ITFG1: variants seen among roughly 807,000 people sequenced by gnomAD.
ITFG1 encodes the protein integrin alpha FG-GAP repeat containing 1, also known as T-cell immunomodulatory protein.
ITFG1 carries 34 observed loss-of-function variants against 81.8 expected under a neutral mutation model. The ratio of observed to expected loss-of-function variants is 0.42; its 90% confidence interval spans 0.32 to 0.55. The LOEUF (loss-of-function observed/expected upper bound fraction) is 0.55, where lower values mean the gene tolerates loss of function less well. ITFG1 is among the 20% of genes least tolerant of loss of function. The probability of loss-of-function intolerance (pLI) is 0.17; values close to 1 mark genes in which losing one functional copy is unlikely to be tolerated. For missense variants in ITFG1, 672 were observed against 755.4 expected (o/e 0.89, Z 1.29); for synonymous variants, 285 against 270.6 (o/e 1.05, Z -0.52).
intron 10 of ITFG1, among the ~76,000 whole-genome samples, chr16:47,301,463 T>A (rs1475989145): frequency 2.0e-5 from 3 of 151,710 alleles, no homozygotes; most frequent in Admixed American, 6.6e-5. Flanking sequence ...AATGGCACGA[T>A]TCAGCTCACT....
At chr16:47,212,263 G>C (rs962248645) in intron 14 of ITFG1, among the ~76,000 whole-genome samples, 1 of 152,044 alleles carries the variant, frequency 6.6e-6, no homozygotes, top group East Asian at 1.9e-4. Context: ...ACCCAGGTTA[G>C]AGTGCAGTGG....
At chr16:47,349,848 A>G (rs1230625973) in intron 8 of ITFG1, among the ~76,000 whole-genome samples, 2 of 152,242 alleles carry the variant, frequency 1.3e-5, no homozygotes, top group Non-Finnish European at 2.9e-5. Context: ...AACAGAAATT[A>G]TAACAAACTG....
At chr16:47,330,979 C>G (rs1156252171) in intron 8 of ITFG1, among the ~76,000 whole-genome samples, 2 of 152,142 alleles carry the variant, frequency 1.3e-5, no homozygotes, top group African/African-American at 2.4e-5. Context: ...TGTGTATACA[C>G]TCAAAGGAAA....
chr16:47,391,841 T>C (rs1462609808), intron 6 of ITFG1, among the ~76,000 whole-genome samples: 1 of 152,208 alleles, frequency 6.6e-6, no homozygotes, highest in African/African-American at 2.4e-5. Context: ...ATTAATATCC[T>C]AGGAATTATT....
chr16:47,174,314 A>G (rs1218515854), intron 14 of ITFG1, among the ~76,000 whole-genome samples: 1 of 152,170 alleles, frequency 6.6e-6, no homozygotes, highest in Non-Finnish European at 1.5e-5. Flanking sequence ...TAGCGCTAGA[A>G]TACTCTAGCT....
chr16:47,263,074 T>G, intron 10 of ITFG1: 1 of 234,852 alleles, frequency 4.3e-6, no homozygotes, highest in Non-Finnish European at 8.8e-6. Context: ...GTCAAATGTA[T>G]GAGCTTTGAA....
chr16:47,434,095 C>T (rs1462362064), intron 5 of ITFG1, among the ~76,000 whole-genome samples: 1 of 151,098 alleles, frequency 6.6e-6, no homozygotes, highest in African/African-American at 2.4e-5. Context: ...AAAACCTAAA[C>T]TATAAAAATC....
chr16:47,361,555 A>G (rs1968109474), intron 8 of ITFG1, among the ~76,000 whole-genome samples: 1 of 152,172 alleles, frequency 6.6e-6, no homozygotes, highest in Admixed American at 6.5e-5. Context: ...CTTCTAGAAG[A>G]TACACCTTCC....
intron 10 of ITFG1, among the ~76,000 whole-genome samples, chr16:47,289,924 A>G (rs1596864073): frequency 6.6e-6 from 1 of 151,904 alleles, no homozygotes; most frequent in Non-Finnish European, 1.5e-5. Context: ...TTTGACATGC[A>G]TTGTTAGGTG....
chr16:47,262,376 A>T (rs1484064298), intron 10 of ITFG1, among the ~76,000 whole-genome samples: 1 of 152,138 alleles, frequency 6.6e-6, no homozygotes, highest in African/African-American at 2.4e-5. Flanking sequence ...ATTTATAAAA[A>T]TTTTTCCTGG....
intron 14 of ITFG1, among the ~76,000 whole-genome samples, chr16:47,199,254 G>A (rs192006341): frequency 8.6e-6 from 1 of 116,648 alleles, no homozygotes; most frequent in African/African-American, 3.4e-5. Context: ...GCAACAAAGC[G>A]AGACTCCAAA....
chr16:47,369,781 C>T (rs1007440966), intron 7 of ITFG1, among the ~76,000 whole-genome samples: 3 of 149,304 alleles, frequency 2.0e-5, no homozygotes, highest in Non-Finnish European at 4.4e-5. Context: ...TTTAGCATAT[C>T]GATCATCTCA....
intron 6 of ITFG1, among the ~76,000 whole-genome samples, chr16:47,389,717 T>C (rs1968507258): frequency 6.6e-6 from 1 of 152,184 alleles, no homozygotes; most frequent in African/African-American, 2.4e-5. Flanking sequence ...GCAATTAAGT[T>C]AGTACATATC....
intron 10 of ITFG1, among the ~76,000 whole-genome samples, chr16:47,265,286 A>C (rs1596846777): frequency 6.6e-6 from 1 of 152,000 alleles, no homozygotes; most frequent in East Asian, 1.9e-4. Context: ...AGAAATGTTA[A>C]AGGAAGTCTA....
At chr16:47,433,506 C>T (rs972745399) in intron 5 of ITFG1, among the ~76,000 whole-genome samples, 1 of 152,064 alleles carries the variant, frequency 6.6e-6, no homozygotes. Context: ...TATGAATTTG[C>T]CACTCCTAAC....
chr16:47,181,097 C>A (rs1008066646), intron 14 of ITFG1, among the ~76,000 whole-genome samples: 1 of 151,116 alleles, frequency 6.6e-6, no homozygotes, highest in Non-Finnish European at 1.5e-5. Flanking sequence ...AAGTGAGGAG[C>A]GTCTCTGCCC....
chr16:47,257,345 T>C (rs1966151727), intron 12 of ITFG1, among the ~76,000 whole-genome samples: 1 of 152,112 alleles, frequency 6.6e-6, no homozygotes, highest in Non-Finnish European at 1.5e-5. Context: ...CTAAAATATG[T>C]GGAAGCAAAA....
At chr16:47,420,929 C>T (rs1276306936) in intron 6 of ITFG1, among the ~76,000 whole-genome samples, 2 of 152,254 alleles carry the variant, frequency 1.3e-5, no homozygotes, top group Non-Finnish European at 2.9e-5. Context: ...CTTTATGTAT[C>T]TGGGTGCTCC....
rs554330592 is a variant in ITFG1, at chr16:47,188,168, C to G, written c.1454-25504G>C. Among the ~76,000 whole-genome samples the G allele has an allele frequency of 1.8e-4, 27 of 150,154 alleles. No individual in the cohort carries two copies. In the South Asian group the frequency reaches 2.5e-3, roughly 14 times the overall value. On this transcript the variant is annotated intron_variant, in intron 14 of 17. Transcript: ENST00000320640. ...GAACACTTTTACACTGTTGGTGGGA[C>G]TGTAAACTAGTTCAACCATTGTGGA...
Sources: gnomAD v4.1 joint callset for allele counts (sites outside exome capture counted in the v4.1 genomes callset) on GRCh38, gnomAD v4.1.1 for gene constraint, MANE v1.5 for transcripts, NCBI Gene and HGNC (gene_info 2026-07-23, HGNC 2026-07-21) for gene names.